Variants in PTGER3 observed in about 807,000 individuals in gnomAD.
PTGER3 encodes the protein prostaglandin E receptor 3, also known as prostaglandin E2 receptor EP3 subtype.
In PTGER3, 22 loss-of-function variants were observed where a neutral mutation model predicts 34.7. The ratio of observed to expected loss-of-function variants is 0.63; its 90% CI spans 0.45 to 0.91. The LOEUF is 0.91. Among genes scored for constraint, PTGER3 ranks in the 40% least tolerant of loss-of-function variants. The pLI, the probability that PTGER3 is intolerant of heterozygous loss-of-function variation, is 0.00. For missense variants in PTGER3, 468 were observed against 519.4 expected (o/e 0.90, Z 0.96); for synonymous variants, 241 against 230.1 (o/e 1.05, Z -0.43).
At chr1:70,879,494 C>T (rs1166700508) in intron 4 of PTGER3, among the ~76,000 whole-genome samples, 2 of 152,294 alleles carry the variant, frequency 1.3e-5, no homozygotes, top group East Asian at 1.9e-4. Context: ...ATGATCATCC[C>T]ACCTTGGCCT....
chr1:70,865,792 C>T (rs1221630437), intron 4 of PTGER3: 2 of 1,367,006 alleles, frequency 1.5e-6, no homozygotes, highest in Non-Finnish European at 2.0e-6. Context: ...GAGCACAGAA[C>T]CTTGAAGGAT....
At chr1:70,918,753 A>G (rs957273907) in intron 4 of PTGER3, among the ~76,000 whole-genome samples, 2 of 152,108 alleles carry the variant, frequency 1.3e-5, no homozygotes, top group South Asian at 4.2e-4. Context: ...CTACAGTTGA[A>G]TTTTGAACAT....
intron 1 of PTGER3, among the ~76,000 whole-genome samples, chr1:71,043,011 A>G (rs1382808220): frequency 6.6e-6 from 1 of 152,248 alleles, no homozygotes; most frequent in African/African-American, 2.4e-5. Context: ...AGCTTACAGT[A>G]TTAGCCACAT....
intron 1 of PTGER3, among the ~76,000 whole-genome samples, chr1:71,013,198 T>G (rs769656654): frequency 3.9e-5 from 6 of 152,310 alleles, no homozygotes; most frequent in Non-Finnish European, 8.8e-5. Flanking sequence ...AGGTAGCAGA[T>G]AGCAGATGTT....
intron 3 of PTGER3, among the ~76,000 whole-genome samples, chr1:70,972,162 C>T (rs1403440720): frequency 1.3e-5 from 2 of 152,004 alleles, no homozygotes; most frequent in Non-Finnish European, 2.9e-5. Context: ...CCCATCTCTA[C>T]TAATACAAAA....
At chr1:70,852,455 A>T (rs765744885) in exon 5 of PTGER3, 14 of 194,326 alleles carry the variant, frequency 7.2e-5, no homozygotes, top group Non-Finnish European at 1.0e-4. Flanking sequence ...CAAACAAATT[A>T]TGCTTTATTC....
At chr1:71,012,092 C>T in intron 2 of PTGER3, 1 of 1,497,972 alleles carries the variant, frequency 6.7e-7, no homozygotes, top group Non-Finnish European at 8.8e-7. Flanking sequence ...GACCATTTAG[C>T]TTTATACCAA....
chr1:70,905,548 A>G (rs1353617774), intron 4 of PTGER3, among the ~76,000 whole-genome samples: 1 of 152,138 alleles, frequency 6.6e-6, no homozygotes, highest in Admixed American at 6.5e-5. Flanking sequence ...GAGTCAAAGG[A>G]TATCACTTTG....
intron 2 of PTGER3, among the ~76,000 whole-genome samples, chr1:70,989,255 A>C (rs1401854652): frequency 6.6e-6 from 1 of 152,174 alleles, no homozygotes. Context: ...GGTTATAAGG[A>C]TAATGATAAC....
chr1:70,971,803 G>T, intron 3 of PTGER3, 70 bp from the exon 4 acceptor site: 1 of 1,005,288 alleles, frequency 9.9e-7, no homozygotes, highest in South Asian at 1.8e-5. Flanking sequence ...TTTGTGTATG[G>T]TGTGAGGAGT....
intron 4 of PTGER3, among the ~76,000 whole-genome samples, chr1:70,863,861 G>C (rs1645983673): frequency 6.6e-6 from 1 of 152,020 alleles, no homozygotes; most frequent in Non-Finnish European, 1.5e-5. Context: ...ATTTGTGGAA[G>C]ATAAAATTGG....
At chr1:71,024,815 A>G (rs945217138) in intron 1 of PTGER3, among the ~76,000 whole-genome samples, 1 of 151,576 alleles carries the variant, frequency 6.6e-6, no homozygotes, top group Non-Finnish European at 1.5e-5. Flanking sequence ...TCAACCTCCC[A>G]GTGTGCTGGG....
chr1:70,949,749 A>G (rs1490676854), downstream of PTGER3, among the ~76,000 whole-genome samples: 2 of 152,288 alleles, frequency 1.3e-5, no homozygotes, highest in East Asian at 1.9e-4. Flanking sequence ...GCACTGTTCA[A>G]TACAACTTTC....
intron 4 of PTGER3, among the ~76,000 whole-genome samples, chr1:70,891,020 T>C (rs1646605443): frequency 6.6e-6 from 1 of 152,218 alleles, no homozygotes; most frequent in Admixed American, 6.5e-5. Context: ...CAGTTGCTTT[T>C]ACTCAACGTG....
At chr1:70,874,513 G>T (rs1646232401) in intron 4 of PTGER3, among the ~76,000 whole-genome samples, 1 of 152,042 alleles carries the variant, frequency 6.6e-6, no homozygotes, top group African/African-American at 2.4e-5. Context: ...GGTTTTCAGT[G>T]TTAGGCCTCT....
chr1:70,957,914 A>C (rs1358663461), intron 2 of PTGER3, among the ~76,000 whole-genome samples: 1 of 152,108 alleles, frequency 6.6e-6, no homozygotes, highest in Non-Finnish European at 1.5e-5. Flanking sequence ...TAGATTTCAC[A>C]TGAGTGAGAT....
At chr1:71,034,641 G>C (rs1202923164) in intron 1 of PTGER3, among the ~76,000 whole-genome samples, 2 of 152,204 alleles carry the variant, frequency 1.3e-5, no homozygotes, top group Non-Finnish European at 2.9e-5. Context: ...TAATCCAAGA[G>C]CTAGTATTAG....
chr1:71,034,411 T>C (rs1252343749), intron 1 of PTGER3, among the ~76,000 whole-genome samples: 2 of 152,212 alleles, frequency 1.3e-5, no homozygotes, highest in African/African-American at 4.8e-5. Flanking sequence ...CCCTTTATGT[T>C]TGCCATATTT....
chr1:70,960,679 A>G (rs1050490411), intron 2 of PTGER3, among the ~76,000 whole-genome samples: 1 of 152,128 alleles, frequency 6.6e-6, no homozygotes, highest in African/African-American at 2.4e-5. Context: ...AATCCTTGCT[A>G]TCAAGCAGAA....
Sources: gnomAD v4.1 joint callset for allele counts (sites outside exome capture counted in the v4.1 genomes callset) on GRCh38, gnomAD v4.1.1 for gene constraint, MANE v1.5 for transcripts, NCBI Gene and HGNC (gene_info 2026-07-23, HGNC 2026-07-21) for gene names.